TACC2: variants seen among roughly 807,000 people sequenced by gnomAD.
The protein encoded by TACC2 is transforming acidic coiled-coil-containing protein 2.
TACC2 carries 137 observed loss-of-function variants against 227.3 expected under a neutral mutation model. The ratio of observed to expected loss-of-function variants is 0.60; its 90% CI spans 0.52 to 0.69. The LOEUF is 0.69. TACC2 is among the 30% of genes least tolerant of loss of function. The pLI is 0.00. For synonymous variants in TACC2, 1,523 were observed against 1,487.5 expected (o/e 1.02, Z -0.55); for missense variants, 3,470 against 3,694.4 (o/e 0.94, Z 1.57).
At chr10:122,057,382 C>G (rs1170471819) in intron 3 of TACC2, among the ~76,000 whole-genome samples, 1 of 152,014 alleles carries the variant, frequency 6.6e-6, no homozygotes, top group African/African-American at 2.4e-5. Context: ...ACCCACAGAA[C>G]CCGGTGACTG....
intron 16 of TACC2, among the ~76,000 whole-genome samples, chr10:122,233,549 G>T (rs1050487217): frequency 1.3e-5 from 2 of 152,162 alleles, no homozygotes; most frequent in Admixed American, 6.5e-5. Flanking sequence ...AAGGAGTTGG[G>T]GCCACCTGTG....
chr10:122,069,140 C>T (rs955454711), intron 3 of TACC2, among the ~76,000 whole-genome samples: 14 of 152,156 alleles, frequency 9.2e-5, no homozygotes, highest in African/African-American at 3.1e-4. Flanking sequence ...CAAGTCAGGG[C>T]GACTGTTGGG....
intron 3 of TACC2, chr10:122,052,071 A>AT (rs1241567105): frequency 1.3e-5 from 2 of 151,914 alleles, no homozygotes; most frequent in African/African-American, 2.4e-5. Context: ...ATTTCCATGA[A>AT]TTTTTCATCA....
intron 11 of TACC2, among the ~76,000 whole-genome samples, chr10:122,218,664 A>G (rs2095461173): frequency 6.6e-6 from 1 of 152,194 alleles, no homozygotes; most frequent in Admixed American, 6.5e-5. Context: ...TGTAAAATAG[A>G]GCCTTTTGGT....
intron 7 of TACC2, among the ~76,000 whole-genome samples, chr10:122,156,405 T>C (rs2092479203): frequency 6.6e-6 from 1 of 151,168 alleles, no homozygotes; most frequent in Non-Finnish European, 1.5e-5. Context: ...TTTGTATTTT[T>C]AGTAGAGACG....
intron 6 of TACC2, among the ~76,000 whole-genome samples, chr10:122,134,943 G>A (rs1435393751): frequency 6.6e-6 from 1 of 152,218 alleles, no homozygotes; most frequent in African/African-American, 2.4e-5. Context: ...CATAGTAGGT[G>A]AGTGGCACAT....
At chr10:122,160,308 AACAG>A (rs1469655292) in intron 7 of TACC2, among the ~76,000 whole-genome samples, 1 of 152,194 alleles carries the variant, frequency 6.6e-6, no homozygotes, top group African/African-American at 2.4e-5. Flanking sequence ...ACTGTGGTCT[AACAG>A]ACAGGCCCCC....
intron 2 of TACC2, among the ~76,000 whole-genome samples, chr10:122,025,102 G>A (rs1957818920): frequency 6.6e-6 from 1 of 152,144 alleles, no homozygotes. Flanking sequence ...TTGCTATTCT[G>A]ATAGGTGTGT....
intron 8 of TACC2, among the ~76,000 whole-genome samples, chr10:122,200,469 C>G (rs565641534): frequency 7.3e-6 from 1 of 137,176 alleles, no homozygotes; most frequent in South Asian, 2.2e-4. Context: ...CCACAGTGGC[C>G]ACATCTACAG....
intron 3 of TACC2, among the ~76,000 whole-genome samples, chr10:122,069,846 T>TTGTATCACCGACACTTGC (rs1439381534): frequency 6.6e-6 from 1 of 152,200 alleles, no homozygotes; most frequent in Non-Finnish European, 1.5e-5. Context: ...CAAGAGCTCC[T>TTGTATCACCGACACTTGC]TGTATCACCG....
chr10:122,211,414 T>A lies in TACC2; in HGVS notation c.6989T>A (p.Ile2330Asn). Residue 2330 changes from isoleucine (I) to asparagine (N), a missense_variant, in exon 9 of 23, where the codon ATT becomes AAT. Ile to Asn is a moderately radical substitution (Grantham distance 149). Coordinates refer to ENST00000369005, the MANE Select transcript of TACC2 (RefSeq NM_206862.4). ...CCTGCTGAACCCAATGACATCCCCA[T>A]TGCTAAAGGTACTTACACCTTTGAT... ...RSPAEPNDIP[I>N]AKGTYTFDID... The A allele has an allele frequency of 6.2e-7, 1 of 1,614,008 alleles. No homozygotes were observed. Among genetic ancestry groups the A allele is most frequent in the Non-Finnish European group, 8.5e-7 (1 of 1,180,012 alleles).
intron 2 of TACC2, among the ~76,000 whole-genome samples, chr10:122,027,329 A>G (rs1958162079): frequency 6.6e-6 from 1 of 152,106 alleles, no homozygotes; most frequent in African/African-American, 2.4e-5. Context: ...ATTGAGTTTT[A>G]CAAGTTTCTT....
intron 6 of TACC2, among the ~76,000 whole-genome samples, chr10:122,136,666 G>A (rs116090697): frequency 0.023 from 3,548 of 151,852 alleles, 147 homozygotes; most frequent in African/African-American, 0.08. Context: ...CAATTGTTCT[G>A]CCTCAGCCTC....
At chr10:122,219,702 G>GT (rs1292650435) in intron 11 of TACC2, among the ~76,000 whole-genome samples, 1 of 152,152 alleles carries the variant, frequency 6.6e-6, no homozygotes, top group African/African-American at 2.4e-5. Flanking sequence ...CTTGAGCTTG[G>GT]TAAGAGATTT....
chr10:122,159,676 C>T (rs2092702400), intron 7 of TACC2, among the ~76,000 whole-genome samples: 1 of 152,174 alleles, frequency 6.6e-6, no homozygotes, highest in Non-Finnish European at 1.5e-5. Context: ...TCCAGCCTCC[C>T]TCTGCTCGCC....
Position 122,254,164 on chromosome 10 carries a change from A to G in TACC2, c.*108A>G. On this transcript the variant is annotated 3_prime_UTR_variant, in exon 23 of 23. Transcript: ENST00000369005. ...GTTCTGTTTTCACTTTTTCGTATGC[A>G]CTACTGTATTTCCTTTCTAAATAAA... 2 of 868,804 alleles carry G rather than the reference A, an allele frequency of 2.3e-6. No homozygotes were observed. The highest frequency in any genetic ancestry group is 2.7e-5 in the South Asian group (2 of 74,826). The allele number at this position is 868,804 out of a possible 1,614,324, so 53.8% of individuals were successfully genotyped here.
rs114775591 is a variant in TACC2, at chr10:122,071,923, G to T, written c.147-10724G>T. ...AAAAAAGTTCATATGACTTGTGTAG[G>T]ATACTTTGGGGTTTAATCCACATCC... On this transcript the variant is annotated intron_variant, in intron 3 of 22. Transcript: ENST00000369005. Among the ~76,000 whole-genome samples the T allele has an allele frequency of 6.8e-3, 1,007 of 148,442 alleles. 15 individuals are homozygous for T. Among genetic ancestry groups the T allele is most frequent in the African/African-American group, 0.023 (948 of 40,464 alleles).
intron 3 of TACC2, among the ~76,000 whole-genome samples, chr10:122,058,632 C>T (rs879888963): frequency 2.6e-5 from 4 of 152,158 alleles, no homozygotes; most frequent in Non-Finnish European, 4.4e-5. Context: ...TGGTCTCTAT[C>T]TCTTGACCTT....
intron 9 of TACC2, among the ~76,000 whole-genome samples, chr10:122,212,721 A>G (rs904831649): frequency 2.6e-5 from 4 of 152,186 alleles, no homozygotes; most frequent in Admixed American, 2.0e-4. Flanking sequence ...AGAAGAACCC[A>G]GGGCCTCCTG....
Sources: gnomAD v4.1 joint callset for allele counts (sites outside exome capture counted in the v4.1 genomes callset) on GRCh38, gnomAD v4.1.1 for gene constraint, MANE v1.5 for transcripts, NCBI Gene and HGNC (gene_info 2026-07-23, HGNC 2026-07-21) for gene names.